SNAP25: variants seen among roughly 807,000 people sequenced by gnomAD.
SNAP25 encodes synaptosomal-associated protein 25.
Under a neutral mutation model 28.7 loss-of-function variants are expected in SNAP25, and 3 were observed. The observed-to-expected ratio is 0.10, with a 90% CI of 0.05 to 0.27. The LOEUF is 0.27. Among genes scored for constraint, SNAP25 ranks in the 10% least tolerant of loss-of-function variants. SNAP25 has a pLI of 1.00. For synonymous variants in SNAP25, 61 were observed against 88.1 expected (o/e 0.69, Z 1.72); for missense variants, 117 against 278.7 (o/e 0.42, Z 4.13).
intron 4 of SNAP25, among the ~76,000 whole-genome samples, chr20:10,288,212 ATAAT>A (rs1459494075): frequency 6.6e-6 from 1 of 152,078 alleles, no homozygotes; most frequent in Non-Finnish European, 1.5e-5. Context: ...ATACACTCAA[ATAAT>A]TAGCAGTTTC....
At chr20:10,305,570 A>C (rs746049824) in intron 7 of SNAP25, among the ~76,000 whole-genome samples, 5 of 151,856 alleles carry the variant, frequency 3.3e-5, no homozygotes, top group Admixed American at 6.6e-5. Flanking sequence ...AATTCACACA[A>C]AAGTGGATCC....
intron 1 of SNAP25, among the ~76,000 whole-genome samples, chr20:10,222,600 T>TA (rs1166033621): frequency 6.6e-6 from 1 of 152,346 alleles, no homozygotes; most frequent in East Asian, 1.9e-4. Context: ...GAGAATTTGG[T>TA]ACTTTATCCT....
intron 1 of SNAP25, among the ~76,000 whole-genome samples, chr20:10,246,240 T>C (rs2063124730): frequency 6.6e-6 from 1 of 152,108 alleles, no homozygotes; most frequent in South Asian, 2.1e-4. Flanking sequence ...GAGAAGATGG[T>C]GTGGGTGTAT....
intron 1 of SNAP25, among the ~76,000 whole-genome samples, chr20:10,252,758 CT>C (rs56654069): frequency 0.021 from 2,756 of 133,770 alleles, 53 homozygotes; most frequent in African/African-American, 0.054. Context: ...ATTTTCTCAT[CT>C]TTTTTTTTTT....
chr20:10,291,909 A>G (rs771200416), intron 4 of SNAP25, among the ~76,000 whole-genome samples: 1 of 152,210 alleles, frequency 6.6e-6, no homozygotes, highest in Non-Finnish European at 1.5e-5. Flanking sequence ...CTTTCATTGA[A>G]CTTGTAGTTA....
intron 7 of SNAP25, among the ~76,000 whole-genome samples, chr20:10,304,630 C>T (rs1156505372): frequency 6.6e-6 from 1 of 152,158 alleles, no homozygotes; most frequent in African/African-American, 2.4e-5. Context: ...AGTCTGAAAT[C>T]TTCAGTACAC....
At chr20:10,276,600 A>G (rs909621235) in intron 2 of SNAP25, among the ~76,000 whole-genome samples, 35 of 152,228 alleles carry the variant, frequency 2.3e-4, no homozygotes, top group African/African-American at 6.5e-4. Flanking sequence ...CTTCTTACTC[A>G]TTAATATACA....
chr20:10,284,344 T>C (rs2063834265), intron 3 of SNAP25, among the ~76,000 whole-genome samples: 1 of 152,174 alleles, frequency 6.6e-6, no homozygotes, highest in South Asian at 2.1e-4. Context: ...AAATTTAGAC[T>C]AGAAGATTTC....
rs71332917 is a variant in SNAP25 at position 10,224,257 on chromosome 20, C to CTTTTTTTTTTTTTTTTTTTTTTTTTTT, written c.-64+5289_-64+5315dup. On this transcript the variant is annotated intron_variant, in intron 1 of 7. Coordinates refer to ENST00000254976, the MANE Select transcript of SNAP25 (RefSeq NM_130811.4). Reference sequence around the variant, plus strand: ...AATAAGGCATAGAGAATGTACATGTCTTTTTTTTTTTTTTTTTTTTTTTTT... The same window carrying CTTTTTTTTTTTTTTTTTTTTTTTTTTT: ...AATAAGGCATAGAGAATGTACATGTCTTTTTTTTTTTTTTTTTTTTTTTTTTTTTTTTTTTTTTTTTTTTTTTTTTTT... 1.1e-3 allele frequency among the ~76,000 whole-genome samples: 19 copies of CTTTTTTTTTTTTTTTTTTTTTTTTTTT among 17,432 alleles called. 7 individuals carry two copies. Among genetic ancestry groups the CTTTTTTTTTTTTTTTTTTTTTTTTTTT allele is most frequent in the African/African-American group, 1.9e-3 (7 of 3,698 alleles). The allele number at this position is 17,432 out of a possible 152,430, so 11.4% of individuals were successfully genotyped here. A position where few individuals can be genotyped will look rare whatever the true frequency, so the allele number is the denominator to read the frequency against.
chr20:10,222,939 TG>T (rs1195221999), intron 1 of SNAP25, among the ~76,000 whole-genome samples: 1 of 152,118 alleles, frequency 6.6e-6, no homozygotes, highest in Non-Finnish European at 1.5e-5. Flanking sequence ...AAGAATCTGG[TG>T]ATGAGACACC....
At chr20:10,272,107 G>T (rs576442923) in intron 1 of SNAP25, among the ~76,000 whole-genome samples, 1 of 152,308 alleles carries the variant, frequency 6.6e-6, no homozygotes, top group East Asian at 1.9e-4. Context: ...CTAGCCGTTA[G>T]TAGAGGAAAG....
chr20:10,305,332 AG>A (rs1415196949), intron 7 of SNAP25, among the ~76,000 whole-genome samples: 1 of 152,176 alleles, frequency 6.6e-6, no homozygotes, highest in Non-Finnish European at 1.5e-5. Flanking sequence ...GCTTGAGCCC[AG>A]GAGTTTGAGA....
intron 7 of SNAP25, among the ~76,000 whole-genome samples, chr20:10,300,463 T>C (rs1316121017): frequency 2.0e-5 from 3 of 152,202 alleles, no homozygotes; most frequent in Admixed American, 1.3e-4. Flanking sequence ...ACTTATGTTG[T>C]GTGTTTATTC....
intron 3 of SNAP25, among the ~76,000 whole-genome samples, chr20:10,278,845 T>G (rs1223066913): frequency 6.9e-6 from 1 of 145,572 alleles, no homozygotes; most frequent in African/African-American, 2.5e-5. Flanking sequence ...GAATGAGATA[T>G]GGCTAAATGT....
chr20:10,305,927 A>G lies in SNAP25; in HGVS notation c.553-202A>G, dbSNP rs142029504. ...AAAATATATTCGTTCATTAAAAAAA[A>G]AAAATGAAAATTAAGCTTCTACGGT... On this transcript the variant is annotated intron_variant, in intron 7 of 7. Coordinates refer to ENST00000254976, the MANE Select transcript of SNAP25 (RefSeq NM_130811.4). 7.8e-3 allele frequency among the ~76,000 whole-genome samples: 1,182 copies of G among 152,240 alleles called. 11 individuals carry two copies. The highest frequency in any genetic ancestry group is 0.017 in the Middle Eastern group (5 of 294).
At chr20:10,248,065 A>G (rs2063160062) in intron 1 of SNAP25, among the ~76,000 whole-genome samples, 1 of 152,222 alleles carries the variant, frequency 6.6e-6, no homozygotes, top group South Asian at 2.1e-4. Context: ...TTGCATGGAT[A>G]CAAAGACGGA....
chr20:10,239,187 G>A lies in SNAP25; in HGVS notation c.-64+20210G>A, dbSNP rs186740765. Among the ~76,000 whole-genome samples, 534 of 152,286 alleles carry A rather than the reference G, an allele frequency of 3.5e-3. 3 individuals carry two copies. Among genetic ancestry groups the A allele is most frequent in the South Asian group, 7.0e-3 (34 of 4,834 alleles). ...TAGAGAAGGAAGAGTAGGGGGCCTC[G>A]AGTCATTCAAACCTCATTTTAAATC... On this transcript the variant is annotated intron_variant, in intron 1 of 7. Coordinates refer to ENST00000254976, the MANE Select transcript of SNAP25 (RefSeq NM_130811.4).
rs143082285 is a variant in SNAP25 at position 10,227,477 on chromosome 20, C to T, written c.-64+8500C>T. ...CTTTTTATTGATCAAATGTTATGAT[C>T]AGAATAACTCAGGAATTGTTGTGTA... is the stretch of plus-strand genomic sequence containing the variant. On this transcript the variant is annotated intron_variant, in intron 1 of 7. Transcript: ENST00000254976. Among the ~76,000 whole-genome samples the T allele has an allele frequency of 1.8e-3, 273 of 152,192 alleles. 1 individual carries two copies. The highest frequency in any genetic ancestry group is 4.6e-3 in the South Asian group (22 of 4,828).
intron 1 of SNAP25, among the ~76,000 whole-genome samples, chr20:10,260,421 G>A (rs1248300551): frequency 1.3e-5 from 2 of 151,950 alleles, no homozygotes; most frequent in African/African-American, 4.8e-5. Flanking sequence ...CAGGATTCAG[G>A]TGACCTTGCA....
Sources: gnomAD v4.1 joint callset for allele counts (sites outside exome capture counted in the v4.1 genomes callset) on GRCh38, gnomAD v4.1.1 for gene constraint, MANE v1.5 for transcripts, NCBI Gene and HGNC (gene_info 2026-07-23, HGNC 2026-07-21) for gene names.